REPS2: variants seen among roughly 807,000 people sequenced by gnomAD.
REPS2 encodes the protein ralBP1-associated Eps domain-containing protein 2.
A neutral mutation model predicts 53.6 loss-of-function variants in REPS2; 23 were observed. The ratio of observed to expected loss-of-function variants is 0.43; its 90% CI spans 0.31 to 0.61. The LOEUF is 0.61. Ranked by LOEUF, REPS2 falls within the 20% of genes least tolerant of loss-of-function variation. REPS2 has a pLI of 0.11. For synonymous variants in REPS2, 238 were observed against 218.6 expected (o/e 1.09, Z -0.78); for missense variants, 446 against 534.9 (o/e 0.83, Z 1.64).
intron 1 of REPS2, among the ~76,000 whole-genome samples, chrX:16,983,457 C>T (rs751621634): frequency 2.7e-5 from 3 of 112,286 alleles, no homozygotes; most frequent in Non-Finnish European, 5.6e-5. Context: ...TGAATTTTTA[C>T]AGATATTCTC....
chrX:17,000,025 C>A (rs1189629830), intron 1 of REPS2, among the ~76,000 whole-genome samples: 1 of 80,629 alleles, frequency 1.2e-5, no homozygotes, highest in Non-Finnish European at 2.2e-5. Flanking sequence ...CCAGCCTGGG[C>A]GACAGAGCGA....
At chrX:17,135,764 G>T (rs377754788) in intron 16 of REPS2, 1 of 172,513 alleles carries the variant, frequency 5.8e-6, no homozygotes. Flanking sequence ...CTCTGCCTGT[G>T]TTATCTCCTT....
the REPS2 span, among the ~76,000 whole-genome samples, chrX:17,193,444 G>A: frequency 9.0e-6 from 1 of 111,472 alleles, no homozygotes; most frequent in Admixed American, 9.6e-5. Context: ...GGTGGGAGAA[G>A]CACTTTTGTT....
rs1475311161 is a variant in REPS2, at chrX:17,025,125, A to G, written c.613A>G (p.Arg205Gly). The G allele has an allele frequency of 8.3e-7, 1 of 1,211,626 alleles. No homozygotes were observed. Residue 205 changes from arginine (R) to glycine (G), a missense_variant, in exon 4 of 18, where the codon AGG becomes GGG. Transcript: ENST00000357277. Reference sequence around the variant, plus strand: ...TCCTTCTTCCCCGCCTCATTACCAGAGGGTGCCCTTGAGCCATGGCTACAG... The same window carrying G: ...TCCTTCTTCCCCGCCTCATTACCAGGGGGTGCCCTTGAGCCATGGCTACAG... Reference protein sequence around the residue: ...SPPSSPPHYQRVPLSHGYSKL... With the variant: ...SPPSSPPHYQGVPLSHGYSKL...
chrX:16,954,957 G>A (rs868747012), intron 1 of REPS2, among the ~76,000 whole-genome samples: 6 of 107,900 alleles, frequency 5.6e-5, no homozygotes, highest in Middle Eastern at 4.7e-3. Flanking sequence ...GACTACAGGC[G>A]CCCACCACCA....
chrX:17,023,849 C>T lies in REPS2; in HGVS notation c.547-1210C>T, dbSNP rs190792281. ...TCACTTCAGGCTGAGTTTATGCATG[C>T]CCCACCCAATCTATGGGTGTGAGCT... On this transcript the variant is annotated intron_variant, in intron 3 of 17. Coordinates refer to ENST00000357277, the MANE Select transcript of REPS2 (RefSeq NM_004726.3). 3.6e-4 allele frequency among the ~76,000 whole-genome samples: 40 copies of T among 111,779 alleles called. No individual in the cohort carries two copies. In the East Asian group the frequency reaches 0.011, roughly 31 times the overall value.
chrX:17,080,443 C>G (rs924968364), intron 13 of REPS2, among the ~76,000 whole-genome samples: 1 of 111,178 alleles, frequency 9.0e-6, no homozygotes. Context: ...ACACCACCAC[C>G]TTGTTCTTAT....
intron 13 of REPS2, among the ~76,000 whole-genome samples, chrX:17,079,250 C>T (rs757014164): frequency 8.9e-6 from 1 of 111,747 alleles, no homozygotes; most frequent in South Asian, 3.8e-4. Flanking sequence ...ATGTAAGGCC[C>T]ATATTCCCGT....
intron 3 of REPS2, among the ~76,000 whole-genome samples, chrX:17,023,254 C>T (rs746918330): frequency 9.0e-6 from 1 of 111,580 alleles, no homozygotes; most frequent in South Asian, 3.8e-4. Context: ...ATGGCAAAAC[C>T]CTGTCTCTAC....
At chrX:17,161,693 C>A in the REPS2 span, among the ~76,000 whole-genome samples, 1 of 110,499 alleles carries the variant, frequency 9.0e-6, no homozygotes, top group African/African-American at 3.3e-5. Flanking sequence ...ACCTAAGAGA[C>A]TGTAAGATAA....
At chrX:17,027,659 G>T (rs1247889062) in intron 4 of REPS2, among the ~76,000 whole-genome samples, 5 of 67,270 alleles carry the variant, frequency 7.4e-5, no homozygotes, top group African/African-American at 1.2e-4. Flanking sequence ...AAATCTTTAG[G>T]TTTTTTTTTT....
intron 16 of REPS2, chrX:17,137,450 T>G (rs2063386736): frequency 8.9e-6 from 1 of 111,844 alleles, no homozygotes; most frequent in Non-Finnish European, 1.9e-5. Flanking sequence ...TTCACACCCT[T>G]TGCCCACTTT....
intron 2 of REPS2, among the ~76,000 whole-genome samples, chrX:17,014,793 C>G (rs1858201925): frequency 8.9e-6 from 1 of 112,513 alleles, no homozygotes; most frequent in Non-Finnish European, 1.9e-5. Flanking sequence ...AAGTCTTGCT[C>G]TCTCTTTCCT....
At chrX:17,120,305 G>A (rs1241463842) in intron 14 of REPS2, among the ~76,000 whole-genome samples, 1 of 111,879 alleles carries the variant, frequency 8.9e-6, no homozygotes, top group Non-Finnish European at 1.9e-5. Flanking sequence ...TTGGGCTCAG[G>A]GAGGCAGCTT....
intron 9 of REPS2, among the ~76,000 whole-genome samples, chrX:17,063,990 T>C (rs1405670245): frequency 9.0e-6 from 1 of 111,332 alleles, no homozygotes; most frequent in Non-Finnish European, 1.9e-5. Flanking sequence ...TCTAATGTCC[T>C]GGATGGCGTT....
chrX:16,987,131 C>T (rs765197970), intron 1 of REPS2, among the ~76,000 whole-genome samples: 2 of 109,825 alleles, frequency 1.8e-5, no homozygotes, highest in Non-Finnish European at 3.8e-5. Context: ...GACAGGGTCT[C>T]GCTTTGTTGC....
intron 5 of REPS2, among the ~76,000 whole-genome samples, chrX:17,041,618 A>C (rs1326667692): frequency 8.9e-6 from 1 of 112,175 alleles, no homozygotes; most frequent in Non-Finnish European, 1.9e-5. Context: ...AGGCATCCTC[A>C]GATATTCACT....
the REPS2 span, among the ~76,000 whole-genome samples, chrX:17,195,613 T>C: frequency 8.9e-6 from 1 of 112,291 alleles, no homozygotes; most frequent in South Asian, 3.7e-4. Flanking sequence ...TATGTACACA[T>C]TGGGAAATGA....
chrX:16,985,088 A>C (rs901527116), intron 1 of REPS2, among the ~76,000 whole-genome samples: 3 of 111,862 alleles, frequency 2.7e-5, no homozygotes, highest in African/African-American at 9.7e-5. Flanking sequence ...CAGTTTATAC[A>C]AATTAAGAAT....
Sources: gnomAD v4.1 joint callset for allele counts (sites outside exome capture counted in the v4.1 genomes callset) on GRCh38, gnomAD v4.1.1 for gene constraint, MANE v1.5 for transcripts, NCBI Gene and HGNC (gene_info 2026-07-23, HGNC 2026-07-21) for gene names.